Variants in ATP10B observed in about 807,000 individuals in gnomAD.
The protein encoded by ATP10B is phospholipid-transporting ATPase VB.
A neutral mutation model predicts 141.2 loss-of-function variants in ATP10B; 122 were observed. The ratio of observed to expected loss-of-function variants is 0.86; its 90% CI spans 0.75 to 1.00. ATP10B has a LOEUF of 1.00. Ranked by LOEUF, ATP10B falls within the 50% of genes least tolerant of loss-of-function variation. The pLI, the probability that ATP10B is intolerant of heterozygous loss-of-function variation, is 0.00. For missense variants in ATP10B, 1,876 were observed against 1,825.3 expected, an observed-to-expected ratio of 1.03 and a Z score of -0.51; for synonymous variants, 685 against 692.0, an observed-to-expected ratio of 0.99 and a Z score of 0.16.
chr5:160,598,953 G>A lies in ATP10B; in HGVS notation c.3381C>T (p.Leu1127=), dbSNP rs370433512. 2 of 1,614,104 alleles carry A rather than the reference G, an allele frequency of 1.2e-6. No homozygotes were observed. Among genetic ancestry groups the A allele is most frequent in the African/African-American group, 1.3e-5 (1 of 75,074 alleles). ...AACCACAGAAGAACTGATACCAGAA[G>A]AGCAGGTTGACGTAGCACTGCAGGC... ...LYKNVCYVNL[L]FWYQFFCGFS... is the part of the protein sequence containing the mutation. Residue 1127 remains leucine (L), a synonymous_variant, in exon 22 of 26, where the codon CTC becomes CTT. Coordinates refer to ENST00000327245, the MANE Select transcript of ATP10B (RefSeq NM_025153.3).
chr5:160,847,183 G>A (rs1331757650), intron 1 of ATP10B, among the ~76,000 whole-genome samples: 1 of 152,150 alleles, frequency 6.6e-6, no homozygotes, highest in Non-Finnish European at 1.5e-5. Flanking sequence ...TCAGTTCAGT[G>A]CCTGTTAAAT....
intron 6 of ATP10B, among the ~76,000 whole-genome samples, chr5:160,675,838 G>C (rs1762993840): frequency 8.7e-6 from 1 of 114,324 alleles, no homozygotes; most frequent in Non-Finnish European, 1.6e-5. Flanking sequence ...GGAAGCACCA[G>C]AAAGAAACAG....
At chr5:160,621,018 C>T (rs531859877) in intron 14 of ATP10B, 68 bp from the exon 15 acceptor site, 204 of 1,520,206 alleles carry the variant, frequency 1.3e-4, no homozygotes, top group Admixed American at 3.1e-4. Context: ...TTGTCTTATG[C>T]GGAATATGAA....
chr5:160,597,390 T>C (rs1459673916), intron 22 of ATP10B, among the ~76,000 whole-genome samples: 1 of 152,082 alleles, frequency 6.6e-6, no homozygotes, highest in African/African-American at 2.4e-5. Context: ...ATACAAAAAT[T>C]AATTCAAGAT....
chr5:160,927,481 C>T, the ATP10B span, among the ~76,000 whole-genome samples: 1 of 152,248 alleles, frequency 6.6e-6, no homozygotes, highest in East Asian at 1.9e-4. Context: ...TTTTATCTTA[C>T]CCCAAGAATG....
intron 2 of ATP10B, among the ~76,000 whole-genome samples, chr5:160,774,899 C>T (rs1296891041): frequency 6.6e-6 from 1 of 152,054 alleles, no homozygotes; most frequent in Non-Finnish European, 1.5e-5. Context: ...ACAGAGTCTC[C>T]CTCACTGGAG....
intron 20 of ATP10B, 134 bp downstream of exon 20, chr5:160,603,831 C>A: frequency 1.5e-6 from 1 of 674,164 alleles, no homozygotes. Flanking sequence ...TTATGTCTGT[C>A]ATTGCTTATG....
In ATP10B at chr5:160,622,538, A is replaced by T. The variant is rs749805720; in HGVS notation, c.1668T>A (p.Asp556Glu). 6.2e-7 allele frequency: 1 copy of T among 1,613,940 alleles called. No individual in the cohort carries two copies. Among genetic ancestry groups the T allele is most frequent in the Admixed American group, 1.7e-5 (1 of 59,978 alleles). The change falls in exon 14 of 26, where the codon GAT (aspartate) becomes GAA (glutamate). Residue 556 changes from aspartate to glutamate, a missense_variant. Asp to Glu is a conservative substitution (Grantham distance 45). Transcript: ENST00000327245. ...PDKNLLTKVR[D>E]AALWLETLSD... is the part of the protein sequence containing the mutation. Reference sequence around the variant, plus strand: ...ACAAGGTCTCCAACCACAGGGCAGCATCTCGAACCTTGGTCAGTAGGTTTT... The same window carrying T: ...ACAAGGTCTCCAACCACAGGGCAGCTTCTCGAACCTTGGTCAGTAGGTTTT...
At chr5:160,805,587 C>T (rs1290518324) in intron 1 of ATP10B, among the ~76,000 whole-genome samples, 1 of 152,166 alleles carries the variant, frequency 6.6e-6, no homozygotes, top group Non-Finnish European at 1.5e-5. Flanking sequence ...CCAAGACTAA[C>T]CCACATTCTC....
intron 1 of ATP10B, among the ~76,000 whole-genome samples, chr5:160,810,850 T>G (rs1484824773): frequency 1.3e-5 from 2 of 152,256 alleles, no homozygotes; most frequent in Non-Finnish European, 2.9e-5. Flanking sequence ...TTGATCTTGC[T>G]TGCTATGCCA....
intron 24 of ATP10B, among the ~76,000 whole-genome samples, chr5:160,580,318 A>C (rs1210282185): frequency 6.6e-6 from 1 of 152,154 alleles, no homozygotes. Flanking sequence ...AATAGCTCTT[A>C]TTATTTTGAG....
chr5:160,649,704 G>T (rs778761570), intron 7 of ATP10B, among the ~76,000 whole-genome samples: 1 of 152,156 alleles, frequency 6.6e-6, no homozygotes. Context: ...TGTGGCTAGT[G>T]GTTATCACAT....
At chr5:160,653,606 CATATATACATATATATTATATAT>C (rs1561705191) in intron 7 of ATP10B, among the ~76,000 whole-genome samples, 2 of 37,068 alleles carry the variant, frequency 5.4e-5, no homozygotes, top group Non-Finnish European at 8.6e-5. Context: ...TACATATATA[CATATATACATATATATTATATAT>C]ACATATATAC....
chr5:160,878,659 A>T, the ATP10B span, among the ~76,000 whole-genome samples: 1 of 152,224 alleles, frequency 6.6e-6, no homozygotes, highest in African/African-American at 2.4e-5. Context: ...TAATATCCAC[A>T]ATCTACAATG....
At chr5:160,733,366 G>T (rs1044663677) in intron 2 of ATP10B, among the ~76,000 whole-genome samples, 2 of 151,994 alleles carry the variant, frequency 1.3e-5, no homozygotes, top group African/African-American at 4.8e-5. Flanking sequence ...CAGAATGAAA[G>T]AAATGAAAGG....
intron 2 of ATP10B, among the ~76,000 whole-genome samples, chr5:160,754,370 G>A (rs1304345193): frequency 1.3e-5 from 2 of 152,096 alleles, no homozygotes; most frequent in East Asian, 3.9e-4. Flanking sequence ...GGATTTCACT[G>A]ATCATGGGTC....
intron 2 of ATP10B, among the ~76,000 whole-genome samples, chr5:160,738,389 C>T (rs1230855754): frequency 6.6e-6 from 1 of 151,740 alleles, no homozygotes; most frequent in Admixed American, 6.6e-5. Context: ...AATTTAAACA[C>T]CCAACATATT....
chr5:160,895,018 A>C, the ATP10B span, among the ~76,000 whole-genome samples: 1 of 152,228 alleles, frequency 6.6e-6, no homozygotes, highest in Non-Finnish European at 1.5e-5. Flanking sequence ...AGATTTTGTC[A>C]CTACCAGGAC....
rs180959257 is a variant in ATP10B at position 160,748,308 on chromosome 5, C to A, written c.-330-31274G>T. Among the ~76,000 whole-genome samples the A allele has an allele frequency of 2.6e-5, 4 of 152,286 alleles. No homozygotes were observed. The South Asian group carries it at 8.3e-4, about 32-fold the overall frequency. On this transcript the variant is annotated intron_variant, in intron 2 of 25. Transcript: ENST00000327245. ...CCCTTGCTAGTGAAGCTTAGACAGG[C>A]GGTATGCTCCCTACAAAGCAAGGTG...
Sources: allele counts gnomAD v4.1 joint callset (sites outside exome capture counted in the v4.1 genomes callset), GRCh38; gene constraint gnomAD v4.1.1; transcripts MANE v1.5; gene names NCBI Gene and HGNC (gene_info 2026-07-23, HGNC 2026-07-21).